KDM1B: variants seen among roughly 807,000 people sequenced by gnomAD.
The protein encoded by KDM1B is lysine-specific histone demethylase 2.
A neutral mutation model predicts 107.4 loss-of-function variants in KDM1B; 63 were observed. The observed-to-expected ratio is 0.59, with a 90% CI of 0.48 to 0.72. The LOEUF (loss-of-function observed/expected upper bound fraction) is 0.72. KDM1B is among the 30% of genes least tolerant of loss of function. The probability of loss-of-function intolerance (pLI) is 0.00; values close to 1 mark genes in which losing one functional copy is unlikely to be tolerated. For missense variants in KDM1B, 749 were observed against 1,020.8 expected (o/e 0.73, Z 3.63); for synonymous variants, 363 against 363.9 (o/e 1.00, Z 0.03).
In KDM1B at chr6:18,222,064, T is replaced by C. The variant is rs560291710; in HGVS notation, c.*72T>C. On this transcript the variant is annotated 3_prime_UTR_variant, in exon 22 of 22. Coordinates refer to ENST00000650836, the MANE Select transcript of KDM1B (RefSeq NM_001364614.2). Reference sequence around the variant, plus strand: ...TGAATCACATGTTAAACCTCAGTTTTATAAGAGGGGGAAAAAACCGTCTCT... The same window carrying C: ...TGAATCACATGTTAAACCTCAGTTTCATAAGAGGGGGAAAAAACCGTCTCT... The C allele has an allele frequency of 3.4e-5, 46 of 1,360,700 alleles. 1 individual carries two copies. The South Asian group carries it at 4.9e-4, about 14-fold the overall frequency. The allele number at this position is 1,360,700 out of a possible 1,614,324, so 84.3% of individuals were successfully genotyped here.
intron 7 of KDM1B, among the ~76,000 whole-genome samples, chr6:18,185,536 A>G (rs1239035957): frequency 6.6e-6 from 1 of 152,034 alleles, no homozygotes; most frequent in Non-Finnish European, 1.5e-5. Context: ...TCCTGACCTT[A>G]GGTGATCCAC....
intron 20 of KDM1B, among the ~76,000 whole-genome samples, chr6:18,216,839 A>C (rs550131457): frequency 4.6e-4 from 70 of 152,340 alleles, no homozygotes; most frequent in African/African-American, 1.7e-3. Context: ...TGTATAAATG[A>C]AACTTTATCA....
chr6:18,216,183 G>A (rs992516311), intron 20 of KDM1B, among the ~76,000 whole-genome samples: 5 of 152,158 alleles, frequency 3.3e-5, no homozygotes, highest in Non-Finnish European at 7.4e-5. Flanking sequence ...GGGTTCAAGC[G>A]ATTCTCCTGC....
Position 18,212,744 on chromosome 6 carries a change from C to A in KDM1B, c.1983+140C>A. ...TTTCCTTTTCATTTGAGTAATTGTT[C>A]GTGAAGAACACAGAAGAATATTATC... On this transcript the variant is annotated intron_variant, in intron 18 of 21. Coordinates refer to ENST00000650836, the MANE Select transcript of KDM1B (RefSeq NM_001364614.2). The surrounding 1 kb of genome is among the most constrained non-coding windows in gnomAD (Gnocchi z 5.2). 1.5e-6 allele frequency: 1 copy of A among 680,998 alleles called. No individual in the cohort carries two copies. The allele number at this position is 680,998 out of a possible 1,614,324, so 42.2% of individuals were successfully genotyped here. A position where few individuals can be genotyped will look rare whatever the true frequency, so the allele number is the denominator to read the frequency against.
rs1788903327 is a variant in KDM1B at position 18,212,262 on chromosome 6, T to C, written c.1867-226T>C. On this transcript the variant is annotated intron_variant, in intron 17 of 21. Transcript: ENST00000650836. The surrounding 1 kb of genome is among the most constrained non-coding windows in gnomAD (Gnocchi z 5.2). ...ACCTGGCCTCTGCTGACTCTTCTTA[T>C]CTAAGATGATTATTCACCATCAGGA... 7.4e-6 allele frequency: 4 copies of C among 540,372 alleles called. No individual in the cohort carries two copies. Among genetic ancestry groups the C allele is most frequent in the African/African-American group, 5.7e-5 (3 of 52,538 alleles). 33.5% of individuals were successfully genotyped at this position (540,372 alleles called of 1,614,324 possible). A position where few individuals can be genotyped will look rare whatever the true frequency, so the allele number is the denominator to read the frequency against.
chr6:18,165,660 T>A (rs914437052), intron 5 of KDM1B, among the ~76,000 whole-genome samples: 1 of 152,040 alleles, frequency 6.6e-6, no homozygotes, highest in African/African-American at 2.4e-5. Context: ...CCATCTCTAC[T>A]AAAAATACAA....
At chr6:18,167,157 C>T (rs868812540) in intron 6 of KDM1B, among the ~76,000 whole-genome samples, 4 of 151,986 alleles carry the variant, frequency 2.6e-5, no homozygotes, top group Middle Eastern at 3.4e-3. Flanking sequence ...GAAATCAAGA[C>T]CATCCTGGCC....
chr6:18,162,274 A>G lies in KDM1B; in HGVS notation c.216-561A>G, dbSNP rs1205238493. ...AGGCAGAGGTTGCAATGAGCCTGAG[A>G]TCGTGCCACTGTACTCCAGCCTGAG... On this transcript the variant is annotated intron_variant, in intron 4 of 21. Coordinates refer to ENST00000650836, the MANE Select transcript of KDM1B (RefSeq NM_001364614.2). This position sits in a 1 kb window ranked among gnomAD's most constrained non-coding sequence, Gnocchi z 4.1. 6.6e-6 allele frequency among the ~76,000 whole-genome samples: 1 copy of G among 152,184 alleles called. No individual in the cohort carries two copies. The highest frequency in any genetic ancestry group is 2.4e-5 in the African/African-American group (1 of 41,442).
chr6:18,194,392 C>G (rs1331292335), intron 10 of KDM1B, among the ~76,000 whole-genome samples: 1 of 152,150 alleles, frequency 6.6e-6, no homozygotes, highest in African/African-American at 2.4e-5. Context: ...GATCAGCAGC[C>G]TGGATTTCTG....
At chr6:18,208,730 C>T (rs1425880839) in intron 17 of KDM1B, among the ~76,000 whole-genome samples, 25 of 141,236 alleles carry the variant, frequency 1.8e-4, no homozygotes, top group South Asian at 6.9e-4. Context: ...CTGCAAGCTC[C>T]GCCTCCCGGG....
At chr6:18,206,011 ATG>A (rs374898955) in intron 15 of KDM1B, among the ~76,000 whole-genome samples, 1 of 151,682 alleles carries the variant, frequency 6.6e-6, no homozygotes, top group Non-Finnish European at 1.5e-5. Flanking sequence ...GTTTTTGTGT[ATG>A]TGTGTGTGTG....
chr6:18,158,422 T>C (rs768849771), intron 2 of KDM1B, among the ~76,000 whole-genome samples: 2 of 151,284 alleles, frequency 1.3e-5, no homozygotes, highest in Non-Finnish European at 2.9e-5. Context: ...AGTTTTTCCA[T>C]AGGATGTTAA....
At chr6:18,217,417 T>C (rs214581) in intron 20 of KDM1B, among the ~76,000 whole-genome samples, 6,163 of 149,324 alleles carry the variant, frequency 0.041, 407 homozygotes, top group African/African-American at 0.14. Flanking sequence ...CTGGCTCTGT[T>C]GCCCAGGCTG....
At chr6:18,165,506 C>T (rs1441541472) in intron 5 of KDM1B, among the ~76,000 whole-genome samples, 1 of 151,982 alleles carries the variant, frequency 6.6e-6, no homozygotes, top group Non-Finnish European at 1.5e-5. Flanking sequence ...AATGGCTGCC[C>T]TAGGATTTAC....
At chr6:18,208,280 C>A in intron 17 of KDM1B, 74 bp downstream of exon 17, 1 of 1,116,152 alleles carries the variant, frequency 9.0e-7, no homozygotes. Flanking sequence ...ACAAATCTTT[C>A]CTATCAAGGA....
intron 20 of KDM1B, among the ~76,000 whole-genome samples, chr6:18,215,634 A>G (rs1426286853): frequency 6.6e-6 from 1 of 152,174 alleles, no homozygotes; most frequent in Non-Finnish European, 1.5e-5. Context: ...TAGGGTGTCC[A>G]CATGGGAATT....
intron 17 of KDM1B, among the ~76,000 whole-genome samples, chr6:18,208,625 ATATTTTTTTTTTTTTTTTTT>A (rs1459808083): frequency 1.4e-4 from 5 of 36,262 alleles, no homozygotes; most frequent in African/African-American, 3.0e-4. Context: ...ATATATATAT[ATATTTTTTTTTTTTTTTTTT>A]TTTTTTTTTT....
chr6:18,182,173 T>C (rs1255056224), intron 7 of KDM1B, among the ~76,000 whole-genome samples: 1 of 152,090 alleles, frequency 6.6e-6, no homozygotes, highest in African/African-American at 2.4e-5. Context: ...CTCACCTTAG[T>C]TAAAGCCTTT....
chr6:18,189,735 C>G (rs1787147991), intron 9 of KDM1B, among the ~76,000 whole-genome samples: 1 of 152,082 alleles, frequency 6.6e-6, no homozygotes, highest in Non-Finnish European at 1.5e-5. Context: ...TTAATAGACA[C>G]AGAAATAAGG....
Sources: gnomAD v4.1 joint callset for allele counts (sites outside exome capture counted in the v4.1 genomes callset) on GRCh38, gnomAD v4.1.1 for gene constraint, Gnocchi (gnomAD v3.1) non-coding constraint, MANE v1.5 for transcripts, NCBI Gene and HGNC (gene_info 2026-07-23, HGNC 2026-07-21) for gene names.